FBN3: variants seen among roughly 807,000 people sequenced by gnomAD.
FBN3 encodes the protein fibrillin 3, also known as fibrillin-3.
A neutral mutation model predicts 330.1 loss-of-function variants in FBN3; 234 were observed. The observed-to-expected ratio is 0.71, with a 90% CI of 0.64 to 0.79. The LOEUF is 0.79. FBN3 is among the 30% of genes least tolerant of loss of function. The probability of loss-of-function intolerance (pLI) is 0.00; values close to 1 mark genes in which losing one functional copy is unlikely to be tolerated. For synonymous variants in FBN3, 1,458 were observed against 1,517.3 expected (o/e 0.96, Z 0.91); for missense variants, 3,606 against 3,886.9 (o/e 0.93, Z 1.92).
Position 8,097,035 on chromosome 19 carries a change from G to T in FBN3, c.5288-29C>A, listed in dbSNP as rs750310753. The stretch of plus-strand genomic sequence containing the variant: ...GGAAAATACAGCAAATGAGGTGGGG[G>T]TGACAGAGAAGCCCATCCTGACAGA... On this transcript the variant is annotated intron_variant, in intron 42 of 63. Coordinates refer to ENST00000600128, the MANE Select transcript of FBN3 (RefSeq NM_032447.5). 2.5e-6 allele frequency: 4 copies of T among 1,605,314 alleles called. No homozygotes were observed. The South Asian group carries it at 4.4e-5, about 18-fold the overall frequency.
rs144577347 is a variant in FBN3, at chr19:8,125,914, G to A, written c.2709C>T (p.Asp903=). The change falls in exon 22 of 64, where the codon GAC becomes GAT. Residue 903 remains aspartate (D), a synonymous_variant. Transcript: ENST00000600128. Reference sequence around the variant, plus strand: ...CACCCACGCACAGCCGGCCTGAGGCGTCCAGCATCAGGCCCTCTGGACACT... The same window carrying A: ...CACCCACGCACAGCCGGCCTGAGGCATCCAGCATCAGGCCCTCTGGACACT... ...RCECPEGLML[D]ASGRLCVDVR... 1.8e-5 allele frequency: 29 copies of A among 1,613,246 alleles called. 1 individual carries two copies. The highest frequency in any genetic ancestry group is 3.3e-4 in the Middle Eastern group (2 of 6,056).
At chr19:8,119,306 C>G (rs566144818) in intron 25 of FBN3, among the ~76,000 whole-genome samples, 71 of 152,298 alleles carry the variant, frequency 4.7e-4, no homozygotes, top group African/African-American at 1.6e-3. Flanking sequence ...AGGCCTTCCT[C>G]CACTCCCTGC....
rs370057380 is a variant in FBN3, at chr19:8,125,973, G to T, written c.2650C>A (p.Arg884Ser). ...AAAGACCCAGCAGTGTTGACGCAAC[G>T]CCCGTTGGGACAGACTCCCGGGAAG... Reference protein sequence around the residue: ...ESFPGVCPNGRCVNTAGSFRC... With the variant: ...ESFPGVCPNGSCVNTAGSFRC... Residue 884 changes from arginine (R) to serine (S), a missense_variant, in exon 22 of 64, where the codon CGT becomes AGT. Arg to Ser is a moderately radical substitution (Grantham distance 110). Transcript: ENST00000600128. 6.2e-7 allele frequency: 1 copy of T among 1,613,890 alleles called. No individual in the cohort carries two copies. Among genetic ancestry groups the T allele is most frequent in the South Asian group, 1.1e-5 (1 of 91,064 alleles).
intron 4 of FBN3, 68 bp downstream of exon 4, chr19:8,146,059 G>C (rs2083536478): frequency 6.6e-7 from 1 of 1,515,856 alleles, no homozygotes; most frequent in Non-Finnish European, 9.0e-7. Flanking sequence ...AAGCAGCCCA[G>C]GCTCCTCGTG....
rs2083626791 is a variant in FBN3, at chr19:8,149,500, C to A, written c.-69G>T. ...GCACGGCAGGCGGACGCGCGGGACT[C>A]AGCGCTGCAGGGCGGGCTCCTGCGG... is the stretch of plus-strand genomic sequence containing the variant. On this transcript the variant is annotated 5_prime_UTR_variant, in exon 1 of 64. Transcript: ENST00000600128. This position sits in a 1 kb window ranked among gnomAD's most constrained non-coding sequence, Gnocchi z 5.5. 1 of 151,950 alleles carries A rather than the reference C, an allele frequency of 6.6e-6. No individual in the cohort carries two copies. Among genetic ancestry groups the A allele is most frequent in the Admixed American group, 6.6e-5 (1 of 15,262 alleles). 9.4% of individuals were successfully genotyped at this position (151,950 alleles called of 1,614,324 possible).
intron 30 of FBN3, among the ~76,000 whole-genome samples, chr19:8,114,487 A>G (rs747045767): frequency 3.3e-5 from 5 of 152,068 alleles, no homozygotes; most frequent in Admixed American, 6.6e-5. Flanking sequence ...GACCTCAGGT[A>G]ATCCACCCAC....
intron 58 of FBN3, 63 bp from the exon 59 acceptor site, chr19:8,081,182 G>C: frequency 9.2e-6 from 14 of 1,529,102 alleles, no homozygotes; most frequent in Admixed American, 3.4e-5. Context: ...GGGCTTCCCA[G>C]GGGCTGCCCT....
At chr19:8,074,658 C>CA (rs1411362072) in intron 61 of FBN3, 3 of 159,138 alleles carry the variant, frequency 1.9e-5, no homozygotes, top group African/African-American at 7.2e-5. Context: ...GCTAGCCCCC[C>CA]AAATGGAGGG....
chr19:8,102,704 G>T lies in FBN3; in HGVS notation c.5089+20C>A, dbSNP rs370045977. On this transcript the variant is annotated intron_variant, in intron 40 of 63. Coordinates refer to ENST00000600128, the MANE Select transcript of FBN3 (RefSeq NM_032447.5). ...CTAGGAGGGGCCAGGCTGGGAAGAAGGTTGGGGAGGGTTACTCACGACTGA... is the reference window on the plus strand; with the variant it reads ...CTAGGAGGGGCCAGGCTGGGAAGAATGTTGGGGAGGGTTACTCACGACTGA... 33 of 1,605,208 alleles carry T rather than the reference G, an allele frequency of 2.1e-5. No individual in the cohort carries two copies. In the South Asian group the frequency reaches 2.4e-4, roughly 12 times the overall value.
chr19:8,079,568 T>C (rs538184513), intron 59 of FBN3, among the ~76,000 whole-genome samples: 1 of 149,980 alleles, frequency 6.7e-6, no homozygotes, highest in East Asian at 1.9e-4. Context: ...ACACATCACC[T>C]TTGAACACAC....
intron 59 of FBN3, among the ~76,000 whole-genome samples, chr19:8,079,032 TGC>T (rs908523011): frequency 1.3e-5 from 2 of 152,096 alleles, no homozygotes; most frequent in Admixed American, 6.6e-5. Context: ...CCTCCCAAAG[TGC>T]TGGGATTACA....
At chr19:8,133,413 T>C (rs2083197632) in intron 13 of FBN3, among the ~76,000 whole-genome samples, 1 of 152,216 alleles carries the variant, frequency 6.6e-6, no homozygotes. Flanking sequence ...TATCAGTGAA[T>C]TGTTCATTTT....
At chr19:8,128,898 T>C in intron 18 of FBN3, 130 bp downstream of exon 18, 1 of 1,078,648 alleles carries the variant, frequency 9.3e-7, no homozygotes, top group Admixed American at 2.7e-5. Context: ...ACATATAGCA[T>C]GCGTGTGTGA....
intron 13 of FBN3, 25 bp downstream of exon 13, chr19:8,135,936 G>GGGCA: frequency 3.0e-6 from 2 of 668,772 alleles, no homozygotes; most frequent in African/African-American, 2.0e-5. Context: ...GGAAGCCCCT[G>GGGCA]CCCACCCGCC....
chr19:8,067,652 C>T (rs2145330003), intron 63 of FBN3, among the ~76,000 whole-genome samples: 1 of 152,198 alleles, frequency 6.6e-6, no homozygotes, highest in East Asian at 1.9e-4. Context: ...GTTTATTAGG[C>T]ACCTACTGAA....
At chr19:8,120,664 A>T (rs1332457518) in intron 25 of FBN3, among the ~76,000 whole-genome samples, 1 of 151,996 alleles carries the variant, frequency 6.6e-6, no homozygotes, top group Non-Finnish European at 1.5e-5. Flanking sequence ...CTTTATAGTG[A>T]CAGGGTCTTG....
At chr19:8,145,415 T>G (rs2083512519) in intron 5 of FBN3, among the ~76,000 whole-genome samples, 2 of 140,304 alleles carry the variant, frequency 1.4e-5, no homozygotes. Flanking sequence ...GCACGGTAGC[T>G]CACGCCTGTA....
chr19:8,093,374 A>G (rs942056213), intron 47 of FBN3, among the ~76,000 whole-genome samples: 4 of 152,128 alleles, frequency 2.6e-5, no homozygotes, highest in Admixed American at 1.3e-4. Context: ...CTGTAATCCC[A>G]GCACTTTGGG....
chr19:8,119,380 G>A (rs1297667994), intron 25 of FBN3, among the ~76,000 whole-genome samples: 5 of 152,136 alleles, frequency 3.3e-5, no homozygotes, highest in South Asian at 2.1e-4. Context: ...AGGCAGCCTC[G>A]CCATGGCCTC....
Sources: allele counts gnomAD v4.1 joint callset (sites outside exome capture counted in the v4.1 genomes callset), GRCh38; gene constraint gnomAD v4.1.1; non-coding constraint Gnocchi (gnomAD v3.1); transcripts MANE v1.5; gene names NCBI Gene and HGNC (gene_info 2026-07-23, HGNC 2026-07-21).